The following ZP4 variants were observed in gnomAD, a reference collection of about 807,000 sequenced individuals.
ZP4 encodes the protein zona pellucida glycoprotein 4.
ZP4 carries 62 observed loss-of-function variants against 62.3 expected under a neutral mutation model. The observed-to-expected ratio is 0.99, with a 90% CI of 0.81 to 1.23. The LOEUF is 1.23. Among genes scored for constraint, ZP4 ranks in the 50% most tolerant of loss-of-function variants. ZP4 has a pLI of 0.00. For synonymous variants in ZP4, 289 were observed against 247.3 expected, an observed-to-expected ratio of 1.17 and a Z score of -1.58; for missense variants, 774 against 656.0, an observed-to-expected ratio of 1.18 and a Z score of -1.97.
chr1:237,889,831 C>CCCCCCCCCCAG, intron 3 of ZP4, 36 bp downstream of exon 3: 1 of 1,496,302 alleles, frequency 6.7e-7, no homozygotes. Context: ...CCACCCCCAC[C>CCCCCCCCCCAG]ACCCCCACAA....
In ZP4 at chr1:237,888,965, A is replaced by C. The variant is rs956298048; in HGVS notation, c.401-455T>G. On this transcript the variant is annotated intron_variant, in intron 3 of 11. Coordinates refer to ENST00000366570, the MANE Select transcript of ZP4 (RefSeq NM_021186.5). Reference sequence around the variant, plus strand: ...CTGGCTATGTATTGGGAAGGAAGGCAGGTGAGAAGAGTGAATTTATAGTTT... The same window carrying C: ...CTGGCTATGTATTGGGAAGGAAGGCCGGTGAGAAGAGTGAATTTATAGTTT... Among the ~76,000 whole-genome samples, 7 of 152,302 alleles carry C rather than the reference A, an allele frequency of 4.6e-5. No homozygotes were observed. In the East Asian group the frequency reaches 1.2e-3, roughly 25 times the overall value.
In ZP4 at chr1:237,884,053, AACAC is replaced by A. The variant is rs147056609; in HGVS notation, c.1390+712_1390+715del. Among the ~76,000 whole-genome samples, 1,019 of 124,392 alleles carry A rather than the reference AACAC, an allele frequency of 8.2e-3. 31 individuals carry two copies. The highest frequency in any genetic ancestry group is 0.042 in the African/African-American group (965 of 22,780). 81.6% of individuals were successfully genotyped at this position (124,392 alleles called of 152,430 possible). A position where few individuals can be genotyped will look rare whatever the true frequency, so the allele number is the denominator to read the frequency against. On this transcript the variant is annotated intron_variant, in intron 10 of 11. Coordinates refer to ENST00000366570, the MANE Select transcript of ZP4 (RefSeq NM_021186.5). ...ACACAAACACACACAAACACACACA[AACAC>A]ACACAAACACACACAAACACACACA...
At chr1:237,887,671 A>C in intron 4 of ZP4, 110 bp from the exon 5 acceptor site, 1 of 1,161,624 alleles carries the variant, frequency 8.6e-7, no homozygotes, top group Admixed American at 2.7e-5. Flanking sequence ...AGCTGGTGAC[A>C]ACTTCCCAGT....
Position 237,885,833 on chromosome 1 carries a change from A to C in ZP4, c.893T>G (p.Val298Gly), listed in dbSNP as rs771759315. 2 of 1,614,140 alleles carry C rather than the reference A, an allele frequency of 1.2e-6. No homozygotes were observed. The highest frequency in any genetic ancestry group is 3.3e-5 in the Admixed American group (2 of 60,014). ...SVSSNSLPIN[V>G]QVFTLPPPFP... ...GGGTGGTGGGAGAGTGAAAACCTGG[A>C]CATTGATTGGGAGAGAGTTGCTACT... Residue 298 changes from valine to glycine, a missense_variant, in exon 7 of 12, where the codon GTC (valine) becomes GGC (glycine). By Grantham distance (109) the Val-to-Gly change is moderately radical. Transcript: ENST00000366570.
rs552226604 is a variant in ZP4 at position 237,890,883 on chromosome 1, G to A, written c.-248C>T. The A allele has an allele frequency of 4.4e-4, 167 of 378,526 alleles. 2 individuals carry two copies. The Admixed American group carries it at 6.2e-3, about 14-fold the overall frequency. The allele number at this position is 378,526 out of a possible 1,614,324, so 23.4% of individuals were successfully genotyped here. On this transcript the variant is annotated 5_prime_UTR_variant, in exon 1 of 12. Transcript: ENST00000366570. ...GCAGACTTCAGAGCCCAAGAAAAATGTAGTAACTTTTAGCTAACAGAAAGG... is the reference window on the plus strand; with the variant it reads ...GCAGACTTCAGAGCCCAAGAAAAATATAGTAACTTTTAGCTAACAGAAAGG...
chr1:237,884,004 ACACACACACACAAACACAC>A (rs1558530929), intron 10 of ZP4, among the ~76,000 whole-genome samples: 107 of 91,578 alleles, frequency 1.2e-3, no homozygotes, highest in Admixed American at 1.4e-3. Flanking sequence ...ACACACACAC[ACACACACACACAAACACAC>A]ACACACACAA....
intron 11 of ZP4, 37 bp downstream of exon 11, chr1:237,882,705 G>A: frequency 6.2e-7 from 1 of 1,604,350 alleles, no homozygotes; most frequent in Non-Finnish European, 8.5e-7. Context: ...TAGTAATTTA[G>A]TTCACTAGTT....
chr1:237,889,762 T>G (rs953085898), intron 3 of ZP4, 105 bp downstream of exon 3: 2 of 970,260 alleles, frequency 2.1e-6, no homozygotes, highest in Non-Finnish European at 3.3e-6. Context: ...CCTTCCTTCA[T>G]TAGTGTCAGG....
intron 1 of ZP4, 25 bp from the exon 2 acceptor site, chr1:237,890,201 A>G (rs796690049): frequency 1.2e-6 from 2 of 1,613,280 alleles, no homozygotes; most frequent in African/African-American, 2.7e-5. Context: ...AAGAGGTGAG[A>G]AAACACAGCG....
chr1:237,884,740 A>G, intron 10 of ZP4, 29 bp downstream of exon 10: 1 of 1,604,266 alleles, frequency 6.2e-7, no homozygotes, highest in Non-Finnish European at 8.5e-7. Context: ...ATTCATTCAA[A>G]TCTGTCCTCT....
At position 237,890,445 on chromosome 1, in the gene ZP4, A is replaced by G; in HGVS notation, c.175+16T>C. ...ATATCATTGCTTGGCTAAGCAAGGC[A>G]AGTCATCAAACTTACCCCAAGCTAT... On this transcript the variant is annotated intron_variant, in intron 1 of 11. Transcript: ENST00000366570. The G allele has an allele frequency of 6.2e-7, 1 of 1,600,224 alleles. No individual in the cohort carries two copies. The highest frequency in any genetic ancestry group is 1.3e-5 in the African/African-American group (1 of 74,402).
chr1:237,882,730 T>A lies in ZP4; in HGVS notation c.1495+12A>T. The A allele has an allele frequency of 6.2e-7, 1 of 1,613,196 alleles. No homozygotes were observed. Among genetic ancestry groups the A allele is most frequent in the Non-Finnish European group, 8.5e-7 (1 of 1,179,568 alleles). The stretch of plus-strand genomic sequence containing the variant: ...GTTCACTAGTTTGATCTCCTCCCTC[T>A]TGGATACTTACGGAGCTTTTCTGGA... On this transcript the variant is annotated intron_variant, in intron 11 of 11. Transcript: ENST00000366570.
intron 9 of ZP4, 73 bp from the exon 10 acceptor site, chr1:237,884,920 C>T (rs762732432): frequency 6.4e-5 from 96 of 1,501,460 alleles, no homozygotes; most frequent in Non-Finnish European, 8.1e-5. Flanking sequence ...TTTGCCTCCC[C>T]AGGAAGAGGT....
Position 237,886,871 on chromosome 1 carries a change from A to G in ZP4, c.742-3T>C, listed in dbSNP as rs773186723. 3.1e-6 allele frequency: 5 copies of G among 1,611,924 alleles called. No individual in the cohort carries two copies. Among genetic ancestry groups the G allele is most frequent in the African/African-American group, 1.3e-5 (1 of 74,898 alleles). ...TATACTGCTCGGTCTCCAGTGATCT[A>G]CAGGAATAGATGGAGAAGTCTTGAT... is the stretch of plus-strand genomic sequence containing the variant. On this transcript the variant is annotated splice_polypyrimidine_tract_variant and splice_region_variant and intron_variant, in intron 5 of 11. Transcript: ENST00000366570.
rs1558530969 is a variant in ZP4, at chr1:237,884,009, CACACACAAACACACACACACACAA to C, written c.1390+736_1390+759del. Among the ~76,000 whole-genome samples the C allele has an allele frequency of 9.4e-3, 758 of 80,348 alleles. 7 individuals are homozygous for C. The highest frequency in any genetic ancestry group is 9.5e-3 in the African/African-American group (181 of 19,112). The allele number at this position is 80,348 out of a possible 152,430, so 52.7% of individuals were successfully genotyped here. On this transcript the variant is annotated intron_variant, in intron 10 of 11. Transcript: ENST00000366570. ...ACACACACACACACACACACACACA[CACACACAAACACACACACACACAA>C]ACACACACAAACACACACAAACACA...
chr1:237,890,640 C>G lies in ZP4; in HGVS notation c.-5G>C. The stretch of plus-strand genomic sequence containing the variant: ...AACGCACCGCAGCAGCCACATAATG[C>G]TACCAGGAGTTCCTGCCGGCTGCAG... On this transcript the variant is annotated 5_prime_UTR_variant, in exon 1 of 12. Transcript: ENST00000366570. 1 of 1,609,894 alleles carries G rather than the reference C, an allele frequency of 6.2e-7. No homozygotes were observed. The highest frequency in any genetic ancestry group is 8.5e-7 in the Non-Finnish European group (1 of 1,177,850).
chr1:237,886,830 C>T lies in ZP4; in HGVS notation c.780G>A (p.Val260=), dbSNP rs200386806. The change falls in exon 6 of 12, where the codon GTG becomes GTA. Residue 260 remains valine (V), a synonymous_variant. Coordinates refer to ENST00000366570, the MANE Select transcript of ZP4 (RefSeq NM_021186.5). ...TCCCATTTTTCACATCCCTAGTTGC[C>T]ACCAGTTCATTTTCATATACTGCTC... ...GDRAVYENEL[V]ATRDVKNGSR... is the part of the protein sequence containing the mutation. The T allele has an allele frequency of 1.3e-5, 21 of 1,614,064 alleles. No individual in the cohort carries two copies. In the East Asian group the frequency reaches 3.8e-4, roughly 29 times the overall value.
chr1:237,888,457 G>A lies in ZP4; in HGVS notation c.454C>T (p.Leu152=), dbSNP rs1251837319. 1.2e-6 allele frequency: 2 copies of A among 1,612,394 alleles called. No individual in the cohort carries two copies. The highest frequency in any genetic ancestry group is 2.2e-5 in the East Asian group (1 of 44,824). Residue 152 remains leucine (L), a synonymous_variant, in exon 4 of 12, where the codon CTG becomes TTG. Transcript: ENST00000366570. The stretch of plus-strand genomic sequence containing the variant: ...GAGATGGGTGAAGGTGCACATGGCA[G>A]TCTGTCCCGTGCTGGGATGGAGTCA... The part of the protein sequence containing the change: ...WCDSIPARDR[L]PCAPSPISRG...
rs982183977 is a variant in ZP4 at position 237,882,558 on chromosome 1, T to C, written c.1496-9A>G. Reference sequence around the variant, plus strand: ...CGAGTCTACAGGAACACCTGGAGGATGGATGGAAAGGTAGGTTAATGTATG... The same window carrying C: ...CGAGTCTACAGGAACACCTGGAGGACGGATGGAAAGGTAGGTTAATGTATG... On this transcript the variant is annotated splice_polypyrimidine_tract_variant and intron_variant, in intron 11 of 11. Coordinates refer to ENST00000366570, the MANE Select transcript of ZP4 (RefSeq NM_021186.5). 4 of 1,591,354 alleles carry C rather than the reference T, an allele frequency of 2.5e-6. No homozygotes were observed. Among genetic ancestry groups the C allele is most frequent in the East Asian group, 2.2e-5 (1 of 44,644 alleles).
Sources: allele counts gnomAD v4.1 joint callset (sites outside exome capture counted in the v4.1 genomes callset), GRCh38; gene constraint gnomAD v4.1.1; transcripts MANE v1.5; gene names NCBI Gene and HGNC (gene_info 2026-07-23, HGNC 2026-07-21).